Variants in CC2D2A observed in about 807,000 individuals in gnomAD.
CC2D2A encodes coiled-coil and C2 domain containing 2A.
In CC2D2A, 155 loss-of-function variants were observed where a neutral mutation model predicts 212.9. The observed-to-expected ratio is 0.73, with a 90% CI of 0.64 to 0.83. The LOEUF is 0.83. Ranked by LOEUF, CC2D2A falls within the 40% of genes least tolerant of loss-of-function variation. The pLI, the probability that CC2D2A is intolerant of heterozygous loss-of-function variation, is 0.00. For synonymous variants in CC2D2A, 667 were observed against 686.5 expected (o/e 0.97, Z 0.44); for missense variants, 1,856 against 1,956.2 (o/e 0.95, Z 0.97).
At chr4:15,478,327 G>A (rs1015337149) in intron 2 of CC2D2A, among the ~76,000 whole-genome samples, 2 of 152,214 alleles carry the variant, frequency 1.3e-5, no homozygotes, top group Non-Finnish European at 2.9e-5. Context: ...TAATATGATT[G>A]TGATGTCTGT....
chr4:15,594,929 C>T (rs1176009891), intron 33 of CC2D2A, among the ~76,000 whole-genome samples: 1 of 151,612 alleles, frequency 6.6e-6, no homozygotes, highest in Non-Finnish European at 1.5e-5. Context: ...GCCTCTCAAG[C>T]ATCTAGGACT....
chr4:15,480,553 A>T, intron 3 of CC2D2A, 151 bp from the exon 4 acceptor site: 2 of 766,314 alleles, frequency 2.6e-6, no homozygotes, highest in Non-Finnish European at 3.7e-6. Flanking sequence ...CCTGGTGGGT[A>T]CTCACAGTGA....
chr4:15,595,814 A>C (rs544609905), intron 33 of CC2D2A: 24 of 234,770 alleles, frequency 1.0e-4, no homozygotes, highest in African/African-American at 3.8e-4. Context: ...AACAAAAAAC[A>C]ACCTCACTTT....
Position 15,527,578 on chromosome 4 carries a change from G to T in CC2D2A, c.1281G>T (p.Leu427Phe). ...CCTGTTTTAGCCGAGAGCATGTTTT[G>T]GCAGCCAAGCTGGCCCAGTTATATG... ...HHPCFSREHV[L>F]AAKLAQLYDQ... is the part of the protein sequence containing the mutation. The change falls in exon 12 of 37, where the codon TTG (leucine) becomes TTT (phenylalanine). Residue 427 changes from leucine to phenylalanine, a missense_variant. Leu to Phe is a conservative substitution (Grantham distance 22). Transcript: ENST00000424120. 1 of 1,613,388 alleles carries T rather than the reference G, an allele frequency of 6.2e-7. No individual in the cohort carries two copies. Among genetic ancestry groups the T allele is most frequent in the Non-Finnish European group, 8.5e-7 (1 of 1,179,618 alleles).
chr4:15,591,453 A>C (rs13110674), intron 33 of CC2D2A, among the ~76,000 whole-genome samples: 47,735 of 151,936 alleles, frequency 0.31, 7,676 homozygotes, highest in Middle Eastern at 0.43. Context: ...TCCCGACCTC[A>C]GGTGATCTGC....
chr4:15,483,976 CTAAACTT>C lies in CC2D2A; in HGVS notation c.247+3152_247+3158del, dbSNP rs1223811838. 2.6e-5 allele frequency among the ~76,000 whole-genome samples: 4 copies of C among 152,218 alleles called. No individual in the cohort carries two copies. In the East Asian group the frequency reaches 7.7e-4, roughly 29 times the overall value. The stretch of plus-strand genomic sequence containing the variant: ...CCCTTGGGCAAGTTCTCCGACCTAC[CTAAACTT>C]TAGTTTCCTTATTTGTAAAACAGGG... On this transcript the variant is annotated intron_variant, in intron 4 of 36. Coordinates refer to ENST00000424120, the MANE Select transcript of CC2D2A (RefSeq NM_001378615.1).
chr4:15,502,141 T>G (rs1051775594), intron 4 of CC2D2A, among the ~76,000 whole-genome samples: 2 of 152,232 alleles, frequency 1.3e-5, no homozygotes, highest in African/African-American at 4.8e-5. Flanking sequence ...GTCATTCATT[T>G]CATTCTTAGT....
intron 30 of CC2D2A, among the ~76,000 whole-genome samples, chr4:15,584,124 G>A (rs56094420): frequency 0.09 from 13,525 of 151,096 alleles, 767 homozygotes; most frequent in Non-Finnish European, 0.13. Context: ...AAAATACCAA[G>A]ACATTCTTCA....
At chr4:15,523,976 A>G (rs1030347702) in intron 11 of CC2D2A, among the ~76,000 whole-genome samples, 4 of 152,168 alleles carry the variant, frequency 2.6e-5, no homozygotes, top group East Asian at 1.9e-4. Flanking sequence ...TTTCCAGAAG[A>G]CGGGAAAGGA....
At chr4:15,563,946 C>T (rs1719742774) in intron 24 of CC2D2A, 1 of 173,988 alleles carries the variant, frequency 5.7e-6, no homozygotes, top group African/African-American at 2.4e-5. Flanking sequence ...AGGTGTTGAT[C>T]CATGGTCTAA....
In CC2D2A at chr4:15,576,182, G is replaced by T. The variant is rs539729333; in HGVS notation, c.3771+1856G>T. Among the ~76,000 whole-genome samples, 100 of 152,346 alleles carry T rather than the reference G, an allele frequency of 6.6e-4. 1 individual carries two copies. Among genetic ancestry groups the T allele is most frequent in the Non-Finnish European group, 1.2e-3 (82 of 68,036 alleles). ...GAGGGCTTAAAAAACCCCTATGGAA[G>T]GCAGATTCTTTGTGGCTGTTTGATA... On this transcript the variant is annotated intron_variant, in intron 29 of 36. Coordinates refer to ENST00000424120, the MANE Select transcript of CC2D2A (RefSeq NM_001378615.1).
intron 29 of CC2D2A, among the ~76,000 whole-genome samples, chr4:15,575,998 G>A (rs1450453354): frequency 1.3e-5 from 2 of 152,166 alleles, no homozygotes; most frequent in African/African-American, 4.8e-5. Flanking sequence ...ACTTCTTACT[G>A]CAGGACTTTA....
intron 11 of CC2D2A, among the ~76,000 whole-genome samples, 188 bp downstream of exon 11, chr4:15,516,944 CTTTTTT>C (rs397992357): frequency 2.1e-5 from 2 of 95,792 alleles, no homozygotes. Context: ...TGCATCCCTT[CTTTTTT>C]TTTTTTTTTT....
Position 15,589,578 on chromosome 4 carries a change from G to A in CC2D2A, c.4213G>A (p.Gly1405Ser), listed in dbSNP as rs757410220. The A allele has an allele frequency of 6.2e-7, 1 of 1,612,256 alleles. No individual in the cohort carries two copies. Among genetic ancestry groups the A allele is most frequent in the Non-Finnish European group, 8.5e-7 (1 of 1,178,946 alleles). ...TGCCTATGTGCTAACTTGGGAGCAA[G>A]GTCGTTATTTAATATGGAATCCCTG... ...PTAYVLTWEQ[G>S]RYLIWNPCSG... Residue 1405 changes from glycine (G) to serine (S), a missense_variant, in exon 33 of 37, where the codon GGT becomes AGT. This residue lies in a region of CC2D2A where 285 missense variants were observed against 278.4 expected (regional missense o/e 1.02). Transcript: ENST00000424120.
intron 13 of CC2D2A, among the ~76,000 whole-genome samples, chr4:15,531,227 G>T (rs1717831137): frequency 6.6e-6 from 1 of 152,084 alleles, no homozygotes; most frequent in African/African-American, 2.4e-5. Context: ...ACAGCCCCTG[G>T]GGACCTCCAC....
chr4:15,593,931 T>C (rs1053178931), intron 33 of CC2D2A, among the ~76,000 whole-genome samples: 3 of 152,146 alleles, frequency 2.0e-5, no homozygotes, highest in African/African-American at 7.2e-5. Context: ...GTCACTCCTC[T>C]ACCCAAATAC....
At chr4:15,572,964 G>C (rs547255944) in intron 28 of CC2D2A, among the ~76,000 whole-genome samples, 16 of 152,090 alleles carry the variant, frequency 1.1e-4, no homozygotes, top group South Asian at 2.1e-4. Context: ...AAAGATGAAG[G>C]GGGGAAGACT....
intron 12 of CC2D2A, 93 bp downstream of exon 12, chr4:15,527,749 C>A: frequency 3.3e-6 from 3 of 903,548 alleles, no homozygotes; most frequent in Non-Finnish European, 5.1e-6. Flanking sequence ...AATGTTCATG[C>A]CCCTCTTTCA....
chr4:15,475,300 C>A (rs981901008), intron 1 of CC2D2A, among the ~76,000 whole-genome samples: 3 of 151,812 alleles, frequency 2.0e-5, no homozygotes, highest in South Asian at 2.1e-4. Flanking sequence ...GGGGCAGGGG[C>A]CTTTTTTTAA....
Sources: allele counts gnomAD v4.1 joint callset (sites outside exome capture counted in the v4.1 genomes callset), GRCh38; gene constraint gnomAD v4.1.1; regional missense constraint gnomAD v4.1.1; transcripts MANE v1.5; gene names NCBI Gene and HGNC (gene_info 2026-07-23, HGNC 2026-07-21).